Variants in C1QTNF3 observed in about 807,000 individuals in gnomAD.
C1QTNF3 encodes C1q and TNF related 3, also known as complement C1q tumor necrosis factor-related protein 3.
A neutral mutation model predicts 32.6 loss-of-function variants in C1QTNF3; 26 were observed. The observed-to-expected ratio is 0.80, with a 90% CI of 0.58 to 1.11. The LOEUF (loss-of-function observed/expected upper bound fraction) is 1.11, where lower values mean the gene tolerates loss of function less well. Among genes scored for constraint, C1QTNF3 ranks in the 50% least tolerant of loss-of-function variants. C1QTNF3 has a pLI of 0.00. For missense variants in C1QTNF3, 362 were observed against 398.2 expected, an observed-to-expected ratio of 0.91 and a Z score of 0.77; for synonymous variants, 155 against 146.0, an observed-to-expected ratio of 1.06 and a Z score of -0.44.
Position 34,043,080 on chromosome 5 carries a change from AAAAC to A in C1QTNF3, c.42_45del (p.Leu14PhefsTer15). ...TCTTGACACAGGCAAAAAGGGAGGA[AAAAC>A]AAAGCCAGCAGTTGCCAATAGATGA... is the stretch of plus-strand genomic sequence containing the variant. On this transcript the variant is annotated frameshift_variant, in exon 1 of 6. Transcript: ENST00000382065. LOFTEE classifies it high-confidence loss of function. 6.2e-7 allele frequency: 1 copy of A among 1,613,946 alleles called. No individual in the cohort carries two copies. The highest frequency in any genetic ancestry group is 8.5e-7 in the Non-Finnish European group (1 of 1,180,016).
At chr5:34,048,789 T>G in the C1QTNF3 span, among the ~76,000 whole-genome samples, 1 of 152,026 alleles carries the variant, frequency 6.6e-6, no homozygotes, top group African/African-American at 2.4e-5. Flanking sequence ...TTGCAGAATC[T>G]GAGTTCCAAC....
chr5:34,176,886 TG>T, the C1QTNF3 span, among the ~76,000 whole-genome samples: 2 of 147,674 alleles, frequency 1.4e-5, no homozygotes, highest in Non-Finnish European at 3.0e-5. Flanking sequence ...AATGAATGAA[TG>T]AAAAATGAAA....
At chr5:34,059,115 C>T in the C1QTNF3 span, among the ~76,000 whole-genome samples, 1 of 152,206 alleles carries the variant, frequency 6.6e-6, no homozygotes, top group African/African-American at 2.4e-5. Flanking sequence ...CAAAGTATGA[C>T]AGACTGGGAA....
the C1QTNF3 span, among the ~76,000 whole-genome samples, chr5:34,060,245 C>T: frequency 1.3e-5 from 2 of 152,124 alleles, no homozygotes; most frequent in African/African-American, 4.8e-5. Context: ...CTGAGAAATG[C>T]TTCATGAGGC....
chr5:34,091,564 A>G, the C1QTNF3 span, among the ~76,000 whole-genome samples: 2 of 152,380 alleles, frequency 1.3e-5, no homozygotes, highest in Non-Finnish European at 2.9e-5. Context: ...AATGTTTGCT[A>G]TTTCATGACA....
At chr5:34,204,459 G>T in the C1QTNF3 span, among the ~76,000 whole-genome samples, 1 of 152,122 alleles carries the variant, frequency 6.6e-6, no homozygotes, top group Non-Finnish European at 1.5e-5. Context: ...GGATGTAACT[G>T]GTCATTATTT....
At chr5:34,052,095 G>A in the C1QTNF3 span, among the ~76,000 whole-genome samples, 5 of 152,122 alleles carry the variant, frequency 3.3e-5, no homozygotes, top group African/African-American at 7.2e-5. Context: ...CCAAGTTCGC[G>A]CCACAGCATT....
chr5:34,212,547 CA>C, the C1QTNF3 span, among the ~76,000 whole-genome samples: 26 of 151,844 alleles, frequency 1.7e-4, no homozygotes, highest in African/African-American at 6.3e-4. Flanking sequence ...TGAACTCAAA[CA>C]AATTTACAAG....
At chr5:34,146,497 C>A in the C1QTNF3 span, among the ~76,000 whole-genome samples, 2 of 152,058 alleles carry the variant, frequency 1.3e-5, no homozygotes, top group African/African-American at 4.8e-5. Context: ...GAACAAAAAA[C>A]CCGGAAATAA....
chr5:34,143,132 T>C, the C1QTNF3 span, among the ~76,000 whole-genome samples: 1 of 152,188 alleles, frequency 6.6e-6, no homozygotes, highest in South Asian at 2.1e-4. Context: ...ACAAGATATA[T>C]AATCGGAAGT....
the C1QTNF3 span, among the ~76,000 whole-genome samples, chr5:34,111,549 AT>A: frequency 6.7e-6 from 1 of 149,232 alleles, no homozygotes; most frequent in Admixed American, 6.7e-5. Context: ...TCTATTCCAC[AT>A]TTTTTTTAGG....
the C1QTNF3 span, among the ~76,000 whole-genome samples, chr5:34,177,155 C>G: frequency 4.6e-5 from 7 of 152,074 alleles, no homozygotes; most frequent in Non-Finnish European, 8.8e-5. Flanking sequence ...CGCCACTGCA[C>G]TCCAGCCTGG....
At chr5:34,226,465 A>G in the C1QTNF3 span, among the ~76,000 whole-genome samples, 1 of 151,892 alleles carries the variant, frequency 6.6e-6, no homozygotes, top group African/African-American at 2.4e-5. Context: ...TTGTTACTAG[A>G]TTTTAATTCC....
the C1QTNF3 span, among the ~76,000 whole-genome samples, chr5:34,159,330 A>T: frequency 1.3e-4 from 20 of 152,100 alleles, no homozygotes; most frequent in African/African-American, 4.8e-4. Flanking sequence ...TTTCCAAGAA[A>T]CTAATTTTCA....
At chr5:34,136,883 G>A in the C1QTNF3 span, among the ~76,000 whole-genome samples, 1 of 152,152 alleles carries the variant, frequency 6.6e-6, no homozygotes, top group Non-Finnish European at 1.5e-5. Flanking sequence ...ATGATTCTCA[G>A]CAAAGTATCA....
At chr5:34,236,975 C>A in the C1QTNF3 span, among the ~76,000 whole-genome samples, 1 of 151,982 alleles carries the variant, frequency 6.6e-6, no homozygotes, top group Admixed American at 6.6e-5. Context: ...GTTTAATTTG[C>A]AACATAGATT....
At chr5:34,119,268 T>C in the C1QTNF3 span, among the ~76,000 whole-genome samples, 2 of 152,186 alleles carry the variant, frequency 1.3e-5, no homozygotes, top group Non-Finnish European at 2.9e-5. Context: ...AGTGCTAAAA[T>C]GTCATAGCTC....
chr5:34,237,425 T>C, the C1QTNF3 span, among the ~76,000 whole-genome samples: 2 of 152,226 alleles, frequency 1.3e-5, no homozygotes, highest in Admixed American at 6.5e-5. Flanking sequence ...TTTAATTACA[T>C]ATTTAATTAT....
intron 1 of C1QTNF3, among the ~76,000 whole-genome samples, chr5:34,037,380 A>C (rs2112118884): frequency 6.6e-6 from 1 of 152,378 alleles, no homozygotes; most frequent in Middle Eastern, 3.4e-3. Context: ...TTTAAAATTC[A>C]AGTTGTATTT....
Sources: gnomAD v4.1 joint callset for allele counts (sites outside exome capture counted in the v4.1 genomes callset) on GRCh38, gnomAD v4.1.1 for gene constraint, MANE v1.5 for transcripts, NCBI Gene and HGNC (gene_info 2026-07-23, HGNC 2026-07-21) for gene names.